The following PCSK5 variants were observed in gnomAD, a reference collection of about 807,000 sequenced individuals.
PCSK5 encodes proprotein convertase subtilisin/kexin type 5.
Under a neutral mutation model 233.2 loss-of-function variants are expected in PCSK5, and 129 were observed. The ratio of observed to expected loss-of-function variants is 0.55; its 90% CI spans 0.48 to 0.64. PCSK5 has a LOEUF of 0.64. Ranked by LOEUF, PCSK5 falls within the 30% of genes least tolerant of loss-of-function variation. PCSK5 has a pLI of 0.00. For synonymous variants in PCSK5, 825 were observed against 879.2 expected (o/e 0.94, Z 1.09); for missense variants, 2,076 against 2,430.1 (o/e 0.85, Z 3.06).
At chr9:76,003,414 T>C (rs1471064745) in intron 3 of PCSK5, among the ~76,000 whole-genome samples, 1 of 152,178 alleles carries the variant, frequency 6.6e-6, no homozygotes, top group African/African-American at 2.4e-5. Context: ...TTTTTTTTCC[T>C]TCCAATAGTT....
At position 76,046,629 on chromosome 9, in the gene PCSK5, C is replaced by T. The variant is rs186083889; in HGVS notation, c.632+19592C>T. On this transcript the variant is annotated intron_variant, in intron 5 of 37. Transcript: ENST00000674117. ...AGGCTGGAGTGCAGTGGCATGATCT[C>T]GGCTCACTGCAAGCTCTGCCTCCTG... Among the ~76,000 whole-genome samples, 288 of 135,758 alleles carry T rather than the reference C, an allele frequency of 2.1e-3. 2 individuals are homozygous for T. Among genetic ancestry groups the T allele is most frequent in the African/African-American group, 7.7e-3 (281 of 36,408 alleles). 89.1% of individuals were successfully genotyped at this position (135,758 alleles called of 152,430 possible).
At chr9:76,301,980 G>A (rs1315203659) in intron 27 of PCSK5, among the ~76,000 whole-genome samples, 157 bp from the exon 28 acceptor site, 2 of 149,774 alleles carry the variant, frequency 1.3e-5, no homozygotes, top group African/African-American at 4.9e-5. Context: ...ATACATAGAT[G>A]TAATTATACT....
intron 2 of PCSK5, among the ~76,000 whole-genome samples, chr9:75,940,721 C>A (rs1189163911): frequency 6.6e-6 from 1 of 152,146 alleles, no homozygotes; most frequent in Non-Finnish European, 1.5e-5. Context: ...CGCATCTACT[C>A]CTTATCAGTC....
chr9:76,296,878 CA>C lies in PCSK5; in HGVS notation c.3523+19del. The C allele has an allele frequency of 5.0e-6, 8 of 1,584,240 alleles. No homozygotes were observed. Among genetic ancestry groups the C allele is most frequent in the Non-Finnish European group, 6.9e-6 (8 of 1,156,370 alleles). ...AAATTCTGGAATGGTATGTGCCCCC[CA>C]AAAAAGAGGTCACAGGGGTCTAGCG... On this transcript the variant is annotated intron_variant, in intron 27 of 37. Coordinates refer to ENST00000674117, the MANE Select transcript of PCSK5 (RefSeq NM_001372043.1).
chr9:76,154,334 A>G (rs763228427), intron 10 of PCSK5, among the ~76,000 whole-genome samples: 1 of 152,192 alleles, frequency 6.6e-6, no homozygotes, highest in East Asian at 1.9e-4. Context: ...ATAAAGTCTC[A>G]AGGTGCTTTT....
chr9:76,189,080 G>A lies in PCSK5; in HGVS notation c.2381-14G>A. 1.2e-6 allele frequency: 2 copies of A among 1,611,078 alleles called. No homozygotes were observed. The highest frequency in any genetic ancestry group is 1.1e-5 in the South Asian group (1 of 90,268). On this transcript the variant is annotated splice_polypyrimidine_tract_variant and intron_variant, in intron 18 of 37. Transcript: ENST00000674117. The stretch of plus-strand genomic sequence containing the variant: ...GTTTTATTTCTCGTTTCCTGTGTTT[G>A]TCTTGCTTTTAAGGGGCAGGAGCTG...
Position 76,360,998 on chromosome 9 carries a change from A to G in PCSK5, c.*2076A>G, listed in dbSNP as rs1394916579. ...TGACTTTATCTTTAAAACAGTTTTC[A>G]GAGATCATACATGTACATGTATGAT... On this transcript the variant is annotated 3_prime_UTR_variant, in exon 38 of 38. Coordinates refer to ENST00000674117, the MANE Select transcript of PCSK5 (RefSeq NM_001372043.1). The G allele has an allele frequency of 1.3e-5, 2 of 152,182 alleles. No individual in the cohort carries two copies. Among genetic ancestry groups the G allele is most frequent in the Non-Finnish European group, 2.9e-5 (2 of 68,022 alleles). 9.4% of individuals were successfully genotyped at this position (152,182 alleles called of 1,614,324 possible).
At chr9:76,331,963 G>A (rs1394037306) in intron 33 of PCSK5, among the ~76,000 whole-genome samples, 2 of 152,210 alleles carry the variant, frequency 1.3e-5, no homozygotes, top group Non-Finnish European at 1.5e-5. Flanking sequence ...TACTTCATAG[G>A]AACAGCAATA....
Position 76,239,290 on chromosome 9 carries a change from A to C in PCSK5, c.3073+125A>C, listed in dbSNP as rs956169158. 4.3e-5 allele frequency: 31 copies of C among 727,894 alleles called. No homozygotes were observed. In the African/African-American group the frequency reaches 5.2e-4, roughly 12 times the overall value. 45.1% of individuals were successfully genotyped at this position (727,894 alleles called of 1,614,324 possible). A position where few individuals can be genotyped will look rare whatever the true frequency, so the allele number is the denominator to read the frequency against. ...TCAGCACTTGGGATGATTTTGGGTG[A>C]CTCCCAACCCTAGTGGGGAGAGAGG... On this transcript the variant is annotated intron_variant, in intron 23 of 37. Transcript: ENST00000674117.
At chr9:76,353,966 T>C (rs570934494) in intron 36 of PCSK5, 67 bp from the exon 37 acceptor site, 49 of 1,115,458 alleles carry the variant, frequency 4.4e-5, no homozygotes, top group African/African-American at 7.8e-5. Context: ...TGAGATACAA[T>C]CTGGGAACTC....
intron 36 of PCSK5, among the ~76,000 whole-genome samples, chr9:76,352,881 A>C: frequency 1.0e-5 from 1 of 99,020 alleles, no homozygotes; most frequent in South Asian, 3.4e-4. Context: ...CATCTCTACA[A>C]AAAATACAAA....
At chr9:75,997,391 G>C (rs760151213) in intron 3 of PCSK5, among the ~76,000 whole-genome samples, 25 of 152,158 alleles carry the variant, frequency 1.6e-4, no homozygotes, top group Non-Finnish European at 3.1e-4. Context: ...TAAATTGTCT[G>C]GGGAGAAAGT....
chr9:76,308,530 G>T (rs891874340), intron 28 of PCSK5, 115 bp from the exon 29 acceptor site: 4 of 693,650 alleles, frequency 5.8e-6, no homozygotes, highest in Non-Finnish European at 1.0e-5. Context: ...CAATCAAAAG[G>T]ATTCCATCTG....
chr9:76,083,487 A>G (rs1830936621), intron 7 of PCSK5, among the ~76,000 whole-genome samples: 1 of 152,214 alleles, frequency 6.6e-6, no homozygotes, highest in Non-Finnish European at 1.5e-5. Flanking sequence ...ATGGTCAAGA[A>G]GAGTCAGTGA....
At chr9:76,008,427 G>T (rs1410052896) in intron 3 of PCSK5, among the ~76,000 whole-genome samples, 1 of 151,466 alleles carries the variant, frequency 6.6e-6, no homozygotes, top group African/African-American at 2.4e-5. Context: ...CCTATTCTGG[G>T]TAGGAAGCAA....
chr9:76,226,027 C>G (rs1187489469), intron 20 of PCSK5, among the ~76,000 whole-genome samples: 1 of 152,084 alleles, frequency 6.6e-6, no homozygotes, highest in African/African-American at 2.4e-5. Flanking sequence ...CCTAGTCAGT[C>G]CTGAAGTAAG....
intron 7 of PCSK5, among the ~76,000 whole-genome samples, chr9:76,082,175 G>C (rs938790333): frequency 6.6e-6 from 1 of 152,098 alleles, no homozygotes; most frequent in Admixed American, 6.6e-5. Context: ...GTCATCTTAG[G>C]AAAGGACAGT....
chr9:76,248,562 A>G lies in PCSK5; in HGVS notation c.3142+7878A>G, dbSNP rs533187705. On this transcript the variant is annotated intron_variant, in intron 24 of 37. Coordinates refer to ENST00000674117, the MANE Select transcript of PCSK5 (RefSeq NM_001372043.1). ...ACCCAAAGGAGAATCATCAAATCAT[A>G]AGTAGATATAAACACACTGGGTGGA... Among the ~76,000 whole-genome samples, 6 of 152,332 alleles carry G rather than the reference A, an allele frequency of 3.9e-5. No individual in the cohort carries two copies. The East Asian group carries it at 1.2e-3, about 29-fold the overall frequency.
At chr9:75,965,254 T>C (rs1337902707) in intron 2 of PCSK5, among the ~76,000 whole-genome samples, 2 of 82,956 alleles carry the variant, frequency 2.4e-5, no homozygotes, top group Non-Finnish European at 5.1e-5. Flanking sequence ...TATGTGTATG[T>C]GTGTATATGT....
Sources: gnomAD v4.1 joint callset for allele counts (sites outside exome capture counted in the v4.1 genomes callset) on GRCh38, gnomAD v4.1.1 for gene constraint, MANE v1.5 for transcripts, NCBI Gene and HGNC (gene_info 2026-07-23, HGNC 2026-07-21) for gene names.